The following PGBD4 variants were observed in gnomAD, a reference collection of about 807,000 sequenced individuals.
PGBD4 encodes the protein piggyBac transposable element derived 4, also known as piggyBac transposable element-derived protein 4.
Under a neutral mutation model 0.3 loss-of-function variants are expected in PGBD4, and 1 was observed. That is an observed-to-expected ratio of 3.72 (90% confidence interval 1.32 to 17.64). The LOEUF (loss-of-function observed/expected upper bound fraction) is 17.64, where lower values mean the gene tolerates loss of function less well. Ranked by LOEUF, PGBD4 falls within the 30% of genes most tolerant of loss-of-function variation. PGBD4 has a pLI of 0.11. For missense variants in PGBD4, 624 were observed against 719.7 expected, an observed-to-expected ratio of 0.87 and a Z score of 1.52; for synonymous variants, 253 against 267.7, an observed-to-expected ratio of 0.95 and a Z score of 0.54.
In PGBD4 at chr15:34,105,779, C is replaced by CT; in HGVS notation, c.*1495dup. ...TGTGTGGAGAAGGTTTATTTTCATT[C>CT]TTTTTACTTTAAAATATGCCTTAGT... is the stretch of plus-strand genomic sequence containing the variant. On this transcript the variant is annotated 3_prime_UTR_variant, in exon 1 of 1. Transcript: ENST00000397766. 6.0e-6 allele frequency: 1 copy of CT among 167,112 alleles called. No individual in the cohort carries two copies. 10.4% of individuals were successfully genotyped at this position (167,112 alleles called of 1,614,324 possible).
Position 34,105,963 on chromosome 15 carries a change from C to T in PGBD4, c.*1674C>T, listed in dbSNP as rs760661787. On this transcript the variant is annotated 3_prime_UTR_variant, in exon 1 of 1. Transcript: ENST00000397766. ...CAGAAAACTTCTTCCCAAGGCCACA[C>T]CACACCTGCAAAATGCCTAACAACC... 1.2e-5 allele frequency: 2 copies of T among 167,154 alleles called. No individual in the cohort carries two copies. The highest frequency in any genetic ancestry group is 2.9e-5 in the Non-Finnish European group (2 of 68,192). The allele number at this position is 167,154 out of a possible 1,614,324, so 10.4% of individuals were successfully genotyped here.
At position 34,107,637 on chromosome 15, in the gene PGBD4, T is replaced by A. The variant is rs573958202; in HGVS notation, c.*3348T>A. The A allele has an allele frequency of 4.6e-5, 7 of 152,558 alleles. No individual in the cohort carries two copies. The East Asian group carries it at 1.2e-3, about 25-fold the overall frequency. The allele number at this position is 152,558 out of a possible 1,614,324, so 9.5% of individuals were successfully genotyped here. On this transcript the variant is annotated 3_prime_UTR_variant, in exon 1 of 1. Transcript: ENST00000397766. Reference sequence around the variant, plus strand: ...TGTTATTTTTGCCAAGCAAATAAATTAAAAGTGATATCTCAGTTTTTGTTT... The same window carrying A: ...TGTTATTTTTGCCAAGCAAATAAATAAAAAGTGATATCTCAGTTTTTGTTT...
chr15:34,105,763 A>T lies in PGBD4; in HGVS notation c.*1474A>T, dbSNP rs1286643158. 1 of 166,944 alleles carries T rather than the reference A, an allele frequency of 6.0e-6. No individual in the cohort carries two copies. Among genetic ancestry groups the T allele is most frequent in the Non-Finnish European group, 1.5e-5 (1 of 68,102 alleles). 10.3% of individuals were successfully genotyped at this position (166,944 alleles called of 1,614,324 possible). A position where few individuals can be genotyped will look rare whatever the true frequency, so the allele number is the denominator to read the frequency against. The stretch of plus-strand genomic sequence containing the variant: ...ATCTAGGCTCAAGAAGTGTGTGGAG[A>T]AGGTTTATTTTCATTCTTTTTACTT... On this transcript the variant is annotated 3_prime_UTR_variant, in exon 1 of 1. Transcript: ENST00000397766.
chr15:34,104,362 G>T lies in PGBD4; in HGVS notation c.*73G>T. The T allele has an allele frequency of 1.3e-6, 2 of 1,502,160 alleles. No homozygotes were observed. The highest frequency in any genetic ancestry group is 4.6e-5 in the East Asian group (2 of 43,436). The allele number at this position is 1,502,160 out of a possible 1,614,324, so 93.1% of individuals were successfully genotyped here. A position where few individuals can be genotyped will look rare whatever the true frequency, so the allele number is the denominator to read the frequency against. On this transcript the variant is annotated 3_prime_UTR_variant, in exon 1 of 1. Transcript: ENST00000397766. ...CTGTTTAGAAATAACTCCAAGATTG[G>T]GAGGCCGACCTGGGTGGATCACCTG...
chr15:34,104,371 C>A lies in PGBD4; in HGVS notation c.*82C>A. The stretch of plus-strand genomic sequence containing the variant: ...AATAACTCCAAGATTGGGAGGCCGA[C>A]CTGGGTGGATCACCTGAGATCAGGA... On this transcript the variant is annotated 3_prime_UTR_variant, in exon 1 of 1. Transcript: ENST00000397766. The A allele has an allele frequency of 6.9e-7, 1 of 1,442,840 alleles. No homozygotes were observed. Among genetic ancestry groups the A allele is most frequent in the Admixed American group, 2.2e-5 (1 of 45,124 alleles). 89.4% of individuals were successfully genotyped at this position (1,442,840 alleles called of 1,614,324 possible). A position where few individuals can be genotyped will look rare whatever the true frequency, so the allele number is the denominator to read the frequency against.
chr15:34,104,480 G>A lies in PGBD4; in HGVS notation c.*191G>A, dbSNP rs997521211. The A allele has an allele frequency of 3.1e-5, 20 of 648,288 alleles. No homozygotes were observed. The highest frequency in any genetic ancestry group is 4.8e-5 in the Non-Finnish European group (19 of 392,466). The allele number at this position is 648,288 out of a possible 1,614,324, so 40.2% of individuals were successfully genotyped here. On this transcript the variant is annotated 3_prime_UTR_variant, in exon 1 of 1. Coordinates refer to ENST00000397766, the MANE Select transcript of PGBD4 (RefSeq NM_152595.5). ...TAGCTGGATGTGGTGGCACATGCCT[G>A]TAATCCAAGCTACTTGGGAGGCTGA...
In PGBD4 at chr15:34,105,305, C is replaced by CA. The variant is rs1188384301; in HGVS notation, c.*1017dup. On this transcript the variant is annotated 3_prime_UTR_variant, in exon 1 of 1. Coordinates refer to ENST00000397766, the MANE Select transcript of PGBD4 (RefSeq NM_152595.5). ...AGGCCTTAGCCAAGATTTCAGGCAT[C>CA]ATTTGCTCCAGTCCTTTCATTTTCT... The CA allele has an allele frequency of 1.8e-5, 3 of 167,142 alleles. No individual in the cohort carries two copies. The highest frequency in any genetic ancestry group is 4.4e-5 in the Non-Finnish European group (3 of 68,160). The allele number at this position is 167,142 out of a possible 1,614,324, so 10.4% of individuals were successfully genotyped here.
chr15:34,103,567 A>T lies in PGBD4; in HGVS notation c.1036A>T (p.Asn346Tyr). The part of the protein sequence containing the change: ...SPMLFRELHQ[N>Y]RTDAVGTARL... ...CATGCTTTTCAGAGAATTACATCAA[A>T]ATAGGACTGATGCAGTTGGGACAGC... The change falls in exon 1 of 1, where the codon AAT becomes TAT. Residue 346 changes from asparagine (N) to tyrosine (Y), a missense_variant. Physicochemically the swap from Asn to Tyr is moderately radical, Grantham distance 143. Transcript: ENST00000397766. This position sits in a 1 kb window ranked among gnomAD's most constrained non-coding sequence, Gnocchi z 4.6. 1.2e-6 allele frequency: 2 copies of T among 1,614,176 alleles called. No individual in the cohort carries two copies. Among genetic ancestry groups the T allele is most frequent in the African/African-American group, 2.7e-5 (2 of 75,048 alleles).
Position 34,106,589 on chromosome 15 carries a change from C to CAATATTCAAAAGGCACATGGTAA in PGBD4, c.*2322_*2323insAAATATTCAAAAGGCACATGGTA, listed in dbSNP as rs1268691033. ...ATCTGATAGACTTTGTCACATGGTA[C>CAATATTCAAAAGGCACATGGTAA]AATATTCAAAAGGCACATGGTACAA... On this transcript the variant is annotated 3_prime_UTR_variant, in exon 1 of 1. Transcript: ENST00000397766. 2 of 150,050 alleles carry CAATATTCAAAAGGCACATGGTAA rather than the reference C, an allele frequency of 1.3e-5. No individual in the cohort carries two copies. Among genetic ancestry groups the CAATATTCAAAAGGCACATGGTAA allele is most frequent in the Non-Finnish European group, 3.0e-5 (2 of 67,712 alleles). 9.3% of individuals were successfully genotyped at this position (150,050 alleles called of 1,614,324 possible).
Position 34,102,835 on chromosome 15 carries a change from AC to A in PGBD4, c.305del (p.Thr102MetfsTer15). On this transcript the variant is annotated frameshift_variant, in exon 1 of 1. Transcript: ENST00000397766. LOFTEE classifies it low-confidence loss of function (END_TRUNC). The surrounding 1 kb of genome is among the most constrained non-coding windows in gnomAD (Gnocchi z 4.7). ...PGRKVDVSDI[T>X]DPLQYFELFF... is the part of the protein sequence containing the mutation. ...CAGAAAAGTCGATGTCAGTGATATC[AC>A]TGACCCATTGCAGTATTTTGAACTG... 1 of 1,614,206 alleles carries A rather than the reference AC, an allele frequency of 6.2e-7. No individual in the cohort carries two copies.
chr15:34,105,513 GC>G lies in PGBD4; in HGVS notation c.*1225del, dbSNP rs1280838046. ...TTCAAGAGCCAAGTACTCAGCCCTG[GC>G]AGGGGATGGGGACATGATGCCCAGA... On this transcript the variant is annotated 3_prime_UTR_variant, in exon 1 of 1. Coordinates refer to ENST00000397766, the MANE Select transcript of PGBD4 (RefSeq NM_152595.5). 1 of 167,070 alleles carries G rather than the reference GC, an allele frequency of 6.0e-6. No individual in the cohort carries two copies. Among genetic ancestry groups the G allele is most frequent in the Non-Finnish European group, 1.5e-5 (1 of 68,132 alleles). The allele number at this position is 167,070 out of a possible 1,614,324, so 10.3% of individuals were successfully genotyped here.
At position 34,103,344 on chromosome 15, in the gene PGBD4, A is replaced by G; in HGVS notation, c.813A>G (p.Val271=). ...AGCAGTACCTCCCGACAAAACGAGT[A>G]CGATTTGGTCTGAAGCTATATGTAC... The part of the protein sequence containing the change: ...AMKQYLPTKR[V]RFGLKLYVLC... Residue 271 remains valine, a synonymous_variant, in exon 1 of 1, where the codon GTA becomes GTG. Transcript: ENST00000397766. The surrounding 1 kb of genome is among the most constrained non-coding windows in gnomAD (Gnocchi z 4.6). The G allele has an allele frequency of 6.2e-7, 1 of 1,614,204 alleles. No individual in the cohort carries two copies. Among genetic ancestry groups the G allele is most frequent in the Non-Finnish European group, 8.5e-7 (1 of 1,180,042 alleles).
rs1901226258 is a variant in PGBD4 at position 34,103,870 on chromosome 15, A to G, written c.1339A>G (p.Arg447Gly). The G allele has an allele frequency of 6.2e-7, 1 of 1,614,168 alleles. No homozygotes were observed. The highest frequency in any genetic ancestry group is 8.5e-7 in the Non-Finnish European group (1 of 1,180,044). Residue 447 changes from arginine to glycine, a missense_variant, in exon 1 of 1, where the codon AGA becomes GGA. By Grantham distance (125) the Arg-to-Gly change is moderately radical. Coordinates refer to ENST00000397766, the MANE Select transcript of PGBD4 (RefSeq NM_152595.5). This position sits in a 1 kb window ranked among gnomAD's most constrained non-coding sequence, Gnocchi z 4.6. ...MLTSYPSERKRHKVWYKKFFH... is the reference protein window; with the variant it reads ...MLTSYPSERKGHKVWYKKFFH... ...TACTTCTTATCCATCTGAGCGCAAAAGACACAAGGTTTGGTATAAGAAATT... is the reference window on the plus strand; with the variant it reads ...TACTTCTTATCCATCTGAGCGCAAAGGACACAAGGTTTGGTATAAGAAATT...
chr15:34,105,037 G>A lies in PGBD4; in HGVS notation c.*748G>A, dbSNP rs1241669713. On this transcript the variant is annotated 3_prime_UTR_variant, in exon 1 of 1. Coordinates refer to ENST00000397766, the MANE Select transcript of PGBD4 (RefSeq NM_152595.5). ...GGTGTTTATGTAAAACTAAATGAGT[G>A]CAGGCAGCGAGCTACACTTTTTTTT... 6.0e-6 allele frequency: 1 copy of A among 166,220 alleles called. No homozygotes were observed. The highest frequency in any genetic ancestry group is 1.5e-5 in the Non-Finnish European group (1 of 68,120). 10.3% of individuals were successfully genotyped at this position (166,220 alleles called of 1,614,324 possible).
Position 34,103,424 on chromosome 15 carries a change from G to T in PGBD4, c.893G>T (p.Gly298Val), listed in dbSNP as rs1567505451. The change falls in exon 1 of 1, where the codon GGC (glycine) becomes GTC (valine). Residue 298 changes from glycine to valine, a missense_variant. Coordinates refer to ENST00000397766, the MANE Select transcript of PGBD4 (RefSeq NM_152595.5). This position sits in a 1 kb window ranked among gnomAD's most constrained non-coding sequence, Gnocchi z 4.6. ...AATGCGCTTGTTCACACAGGGCCTG[G>T]CATGAATTTGAAAGATTCAGCGGAT... is the stretch of plus-strand genomic sequence containing the variant. ...VWNALVHTGP[G>V]MNLKDSADGL... The T allele has an allele frequency of 6.2e-7, 1 of 1,614,186 alleles. No homozygotes were observed. The highest frequency in any genetic ancestry group is 1.6e-4 in the Middle Eastern group (1 of 6,062).
chr15:34,104,001 T>G lies in PGBD4; in HGVS notation c.1470T>G (p.Ile490Met), dbSNP rs1198406545. The G allele has an allele frequency of 5.6e-6, 9 of 1,614,062 alleles. No homozygotes were observed. Among genetic ancestry groups the G allele is most frequent in the African/African-American group, 2.7e-5 (2 of 74,916 alleles). Residue 490 changes from isoleucine to methionine, a missense_variant, in exon 1 of 1, where the codon ATT becomes ATG. Physicochemically the swap from Ile to Met is conservative, Grantham distance 10. Transcript: ENST00000397766. ...ATATAAACTTCAGACTGGCATTGAT[T>G]GAAAGAATGCTGGAAAAGCATCACA... ...MSHINFRLAL[I>M]ERMLEKHHKP...
rs1901196496 is a variant in PGBD4 at position 34,102,525 on chromosome 15, C to T, written c.-7C>T. 5 of 1,502,524 alleles carry T rather than the reference C, an allele frequency of 3.3e-6. No individual in the cohort carries two copies. The highest frequency in any genetic ancestry group is 1.3e-5 in the South Asian group (1 of 76,082). 93.1% of individuals were successfully genotyped at this position (1,502,524 alleles called of 1,614,324 possible). On this transcript the variant is annotated 5_prime_UTR_variant, in exon 1 of 1. Transcript: ENST00000397766. The surrounding 1 kb of genome is among the most constrained non-coding windows in gnomAD (Gnocchi z 4.7). Reference sequence around the variant, plus strand: ...TCTACAAAATATAGTAATTCTCGATCGCTGAAATGTCAAATCCTAGAAAAC... The same window carrying T: ...TCTACAAAATATAGTAATTCTCGATTGCTGAAATGTCAAATCCTAGAAAAC...
rs1049333532 is a variant in PGBD4 at position 34,103,996 on chromosome 15, T to C, written c.1465T>C (p.Leu489=). The change falls in exon 1 of 1, where the codon TTG becomes CTG. Residue 489 remains leucine, a synonymous_variant. Transcript: ENST00000397766. This position sits in a 1 kb window ranked among gnomAD's most constrained non-coding sequence, Gnocchi z 4.6. ...GAGCCATATAAACTTCAGACTGGCA[T>C]TGATTGAAAGAATGCTGGAAAAGCA... ...TMSHINFRLA[L]IERMLEKHHK... 2 of 1,614,116 alleles carry C rather than the reference T, an allele frequency of 1.2e-6. No homozygotes were observed. Among genetic ancestry groups the C allele is most frequent in the Non-Finnish European group, 8.5e-7 (1 of 1,179,974 alleles).
chr15:34,102,716 A>G lies in PGBD4; in HGVS notation c.185A>G (p.Lys62Arg), dbSNP rs1243041865. ...RPLSHLESDG[K>R]SSTSSDSGRS... ...CTGTCCCATTTAGAATCTGATGGAA[A>G]GAGCTCTACATCAAGTGACTCAGGG... Residue 62 changes from lysine to arginine, a missense_variant, in exon 1 of 1, where the codon AAG becomes AGG. By Grantham distance (26) the Lys-to-Arg change is conservative (BLOSUM62 2). Transcript: ENST00000397766. This position sits in a 1 kb window ranked among gnomAD's most constrained non-coding sequence, Gnocchi z 4.7. 4.3e-6 allele frequency: 7 copies of G among 1,614,072 alleles called. No homozygotes were observed. The highest frequency in any genetic ancestry group is 5.9e-6 in the Non-Finnish European group (7 of 1,180,034).
Sources: gnomAD v4.1 joint callset for allele counts on GRCh38, gnomAD v4.1.1 for gene constraint, Gnocchi (gnomAD v3.1) non-coding constraint, MANE v1.5 for transcripts, NCBI Gene and HGNC (gene_info 2026-07-23, HGNC 2026-07-21) for gene names.